The following TTC28 variants were observed in gnomAD, a reference collection of about 807,000 sequenced individuals.
The protein encoded by TTC28 is tetratricopeptide repeat domain 28.
In TTC28, 61 loss-of-function variants were observed where a neutral mutation model predicts 198.0. The observed-to-expected ratio is 0.31, with a 90% CI of 0.25 to 0.38. The LOEUF (loss-of-function observed/expected upper bound fraction) is 0.38. Among genes scored for constraint, TTC28 ranks in the 10% least tolerant of loss-of-function variants. TTC28 has a pLI of 1.00. For synonymous variants in TTC28, 1,171 were observed against 1,297.8 expected (o/e 0.90, Z 2.10); for missense variants, 2,678 against 3,164.0 (o/e 0.85, Z 3.69).
chr22:28,080,979 G>A (rs944516838), intron 12 of TTC28, among the ~76,000 whole-genome samples: 3 of 151,918 alleles, frequency 2.0e-5, no homozygotes, highest in Admixed American at 6.6e-5. Flanking sequence ...TACCCTTGTC[G>A]AAGATCATTT....
At chr22:28,467,431 T>C (rs2048037293) in intron 2 of TTC28, among the ~76,000 whole-genome samples, 1 of 152,120 alleles carries the variant, frequency 6.6e-6, no homozygotes, top group Non-Finnish European at 1.5e-5. Context: ...CTCAAAAAAA[T>C]ACATATACTG....
chr22:28,646,085 G>C (rs1383252778), intron 1 of TTC28, among the ~76,000 whole-genome samples: 1 of 152,088 alleles, frequency 6.6e-6, no homozygotes, highest in African/African-American at 2.4e-5. Flanking sequence ...ACTCAGGCCA[G>C]AGAAAAAAGT....
At chr22:28,411,192 G>A (rs1412498094) in intron 2 of TTC28, among the ~76,000 whole-genome samples, 1 of 152,140 alleles carries the variant, frequency 6.6e-6, no homozygotes, top group Non-Finnish European at 1.5e-5. Context: ...ATAGGTTTTA[G>A]ATTAAAGCAG....
At chr22:28,010,205 C>T (rs1347071319) in intron 14 of TTC28, among the ~76,000 whole-genome samples, 1 of 152,170 alleles carries the variant, frequency 6.6e-6, no homozygotes, top group African/African-American at 2.4e-5. Context: ...TTTTGAAATG[C>T]TGGTGACAGT....
chr22:28,550,838 T>C (rs1485047174), intron 2 of TTC28, among the ~76,000 whole-genome samples: 1 of 152,056 alleles, frequency 6.6e-6, no homozygotes, highest in Non-Finnish European at 1.5e-5. Context: ...AGGACTCATA[T>C]AAACTTAAGG....
At chr22:28,395,337 C>T (rs2046797306) in intron 2 of TTC28, among the ~76,000 whole-genome samples, 2 of 152,064 alleles carry the variant, frequency 1.3e-5, no homozygotes, top group African/African-American at 4.8e-5. Context: ...TTCTTCTATC[C>T]CTTCCAGGGA....
rs527582543 is a variant in TTC28, at chr22:28,225,042, A to G, written c.934-61443T>C. Among the ~76,000 whole-genome samples, 5 of 152,234 alleles carry G rather than the reference A, an allele frequency of 3.3e-5. No homozygotes were observed. In the East Asian group the frequency reaches 9.7e-4, roughly 29 times the overall value. ...AAACAGGCTATCCATTAACAATCAA[A>G]TAATAAACCTTACAGACTACTGCCA... On this transcript the variant is annotated intron_variant, in intron 5 of 22. Coordinates refer to ENST00000397906, the MANE Select transcript of TTC28 (RefSeq NM_001145418.2).
At chr22:28,261,168 T>C (rs73168143) in intron 5 of TTC28, among the ~76,000 whole-genome samples, 20,142 of 152,160 alleles carry the variant, frequency 0.13, 1,819 homozygotes, top group Non-Finnish European at 0.2. Context: ...AACAAAGTTA[T>C]AGAGCGCCTA....
intron 2 of TTC28, among the ~76,000 whole-genome samples, chr22:28,610,858 C>G (rs979344246): frequency 6.6e-6 from 1 of 151,938 alleles, no homozygotes; most frequent in Non-Finnish European, 1.5e-5. Flanking sequence ...CTAGAATAAC[C>G]AGCTTAGAGA....
intron 5 of TTC28, among the ~76,000 whole-genome samples, chr22:28,215,506 T>C (rs1208466410): frequency 6.6e-6 from 1 of 152,206 alleles, no homozygotes; most frequent in South Asian, 2.1e-4. Flanking sequence ...GTGATAAATT[T>C]TCTTCTGTAT....
chr22:28,394,434 T>A (rs963953034), intron 2 of TTC28, among the ~76,000 whole-genome samples: 10 of 152,242 alleles, frequency 6.6e-5, no homozygotes, highest in African/African-American at 2.2e-4. Flanking sequence ...TCAATTTGTC[T>A]TCTCCAAACT....
intron 5 of TTC28, among the ~76,000 whole-genome samples, chr22:28,216,276 C>T (rs1927394284): frequency 6.6e-6 from 1 of 152,174 alleles, no homozygotes; most frequent in Non-Finnish European, 1.5e-5. Context: ...AAGTCCATAT[C>T]ATCAGGGCAT....
rs1601469720 is a variant in TTC28 at position 27,979,625 on chromosome 22, T to A, written c.*2596A>T. 1 of 152,324 alleles carries A rather than the reference T, an allele frequency of 6.6e-6. No individual in the cohort carries two copies. The highest frequency in any genetic ancestry group is 1.9e-4 in the East Asian group (1 of 5,188). 9.4% of individuals were successfully genotyped at this position (152,324 alleles called of 1,614,324 possible). On this transcript the variant is annotated 3_prime_UTR_variant, in exon 23 of 23. Transcript: ENST00000397906. ...GAAAAACCAGACCGCTGACCAGTCTTAGCCTGTGGGTCATAGTTGCCAACC... is the reference window on the plus strand; with the variant it reads ...GAAAAACCAGACCGCTGACCAGTCTAAGCCTGTGGGTCATAGTTGCCAACC...
chr22:28,008,856 G>C (rs1025739591), intron 14 of TTC28, among the ~76,000 whole-genome samples: 9 of 152,178 alleles, frequency 5.9e-5, no homozygotes, highest in African/African-American at 9.7e-5. Context: ...GAGAGAACTC[G>C]GAGGCAGCCT....
Position 28,629,758 on chromosome 22 carries a change from C to A in TTC28, c.175G>T (p.Val59Phe). Residue 59 changes from valine (V) to phenylalanine (F), a missense_variant, in exon 2 of 23, where the codon GTT becomes TTT. By Grantham distance (50) the Val-to-Phe change is conservative (BLOSUM62 -1). This residue lies in a region of TTC28 where 176 missense variants were observed against 197.9 expected (regional missense o/e 0.89). Coordinates refer to ENST00000397906, the MANE Select transcript of TTC28 (RefSeq NM_001145418.2). ...TGATTACTCTGACGAACTTTCTCAACAAATTCAGCTTTGCTCAGTACCGGT... is the reference window on the plus strand; with the variant it reads ...TGATTACTCTGACGAACTTTCTCAAAAAATTCAGCTTTGCTCAGTACCGGT... ...DGPVLSKAEFVEKVRQSNQAC... is the reference protein window; with the variant it reads ...DGPVLSKAEFFEKVRQSNQAC... The A allele has an allele frequency of 1.3e-6, 2 of 1,551,692 alleles. No individual in the cohort carries two copies. The highest frequency in any genetic ancestry group is 2.4e-5 in the East Asian group (1 of 40,924).
intron 2 of TTC28, among the ~76,000 whole-genome samples, chr22:28,616,942 T>C (rs2050913723): frequency 6.6e-6 from 1 of 152,162 alleles, no homozygotes; most frequent in Admixed American, 6.5e-5. Flanking sequence ...TTTTATCATG[T>C]ACTTTAAAAT....
At chr22:28,110,315 G>C (rs1217078191) in intron 6 of TTC28, among the ~76,000 whole-genome samples, 1 of 152,108 alleles carries the variant, frequency 6.6e-6, no homozygotes, top group African/African-American at 2.4e-5. Context: ...TTAGGTTTTT[G>C]AGTTTTATGT....
At chr22:28,010,576 C>A (rs1224751215) in intron 14 of TTC28, among the ~76,000 whole-genome samples, 1 of 152,200 alleles carries the variant, frequency 6.6e-6, no homozygotes, top group African/African-American at 2.4e-5. Flanking sequence ...ACAATAGTCA[C>A]TGCCTTCAAC....
chr22:28,313,024 G>A (rs906577726), intron 2 of TTC28, among the ~76,000 whole-genome samples: 5 of 152,106 alleles, frequency 3.3e-5, no homozygotes, highest in African/African-American at 1.2e-4. Context: ...AAATGATACA[G>A]GGGATATCAC....
Sources: allele counts gnomAD v4.1 joint callset (sites outside exome capture counted in the v4.1 genomes callset), GRCh38; gene constraint gnomAD v4.1.1; regional missense constraint gnomAD v4.1.1; transcripts MANE v1.5; gene names NCBI Gene and HGNC (gene_info 2026-07-23, HGNC 2026-07-21).